SYT16: variants seen among roughly 807,000 people sequenced by gnomAD.
SYT16 encodes the protein synaptotagmin 16.
A neutral mutation model predicts 61.4 loss-of-function variants in SYT16; 42 were observed. That is an observed-to-expected ratio of 0.68 (90% CI 0.53 to 0.89). The LOEUF (loss-of-function observed/expected upper bound fraction) is 0.89. Among genes scored for constraint, SYT16 ranks in the 40% least tolerant of loss-of-function variants. SYT16 has a pLI of 0.00. For missense variants in SYT16, 804 were observed against 807.3 expected, an observed-to-expected ratio of 1.00 and a Z score of 0.05; for synonymous variants, 314 against 302.3, an observed-to-expected ratio of 1.04 and a Z score of -0.40.
At chr14:61,910,162 A>G (rs1463535742) in intron 1 of SYT16, among the ~76,000 whole-genome samples, 1 of 152,118 alleles carries the variant, frequency 6.6e-6, no homozygotes, top group Non-Finnish European at 1.5e-5. Flanking sequence ...TATGCCCTCC[A>G]ACTCTGTTAT....
chr14:61,817,011 ACACACACAC>A (rs2045458053), intron 1 of SYT16, among the ~76,000 whole-genome samples: 12 of 134,532 alleles, frequency 8.9e-5, no homozygotes, highest in African/African-American at 2.5e-4. Context: ...GCTCCGTCAC[ACACACACAC>A]ACACACACAA....
intron 6 of SYT16, among the ~76,000 whole-genome samples, chr14:62,081,993 C>T (rs1266369162): frequency 6.6e-6 from 1 of 152,186 alleles, no homozygotes; most frequent in Non-Finnish European, 1.5e-5. Context: ...TGCCTCTGCC[C>T]TTGGAGAGCT....
intron 1 of SYT16, among the ~76,000 whole-genome samples, chr14:61,839,552 T>C (rs1489552170): frequency 2.0e-5 from 3 of 151,962 alleles, no homozygotes; most frequent in African/African-American, 7.3e-5. Context: ...ATCTGCTTGG[T>C]GGGAAAAGAG....
At chr14:61,902,422 A>G (rs2048557257) in intron 1 of SYT16, among the ~76,000 whole-genome samples, 1 of 152,230 alleles carries the variant, frequency 6.6e-6, no homozygotes, top group South Asian at 2.1e-4. Flanking sequence ...TTACAGGTAC[A>G]GTTAAGTGAT....
At chr14:61,907,703 G>A (rs907924912) in intron 1 of SYT16, among the ~76,000 whole-genome samples, 1 of 152,186 alleles carries the variant, frequency 6.6e-6, no homozygotes, top group Non-Finnish European at 1.5e-5. Flanking sequence ...GGCCTACCTC[G>A]GCAATGACAT....
chr14:62,050,109 CA>C (rs2055202113), intron 3 of SYT16, among the ~76,000 whole-genome samples: 1 of 152,210 alleles, frequency 6.6e-6, no homozygotes, highest in South Asian at 2.1e-4. Flanking sequence ...TCAGGTACAC[CA>C]GTCAGACATA....
At chr14:61,872,707 T>C (rs1404574667) in intron 1 of SYT16, among the ~76,000 whole-genome samples, 1 of 152,196 alleles carries the variant, frequency 6.6e-6, no homozygotes, top group Non-Finnish European at 1.5e-5. Context: ...GCACATCCCA[T>C]ATAGAATTCT....
intron 2 of SYT16, among the ~76,000 whole-genome samples, chr14:61,995,380 G>C (rs1486651668): frequency 6.6e-6 from 1 of 152,040 alleles, no homozygotes; most frequent in Non-Finnish European, 1.5e-5. Flanking sequence ...TCTAGAGATT[G>C]CATAAAAATA....
chr14:61,905,908 C>T lies in SYT16; in HGVS notation c.-324-64224C>T, dbSNP rs538592546. Among the ~76,000 whole-genome samples the T allele has an allele frequency of 2.0e-5, 3 of 152,164 alleles. 1 individual carries two copies. In the South Asian group the frequency reaches 6.2e-4, roughly 31 times the overall value. ...AAGTGGCTGGGACTATAGGCATGTGCCACCACGCCCAGCTATTTTTGTATT... is the reference window on the plus strand; with the variant it reads ...AAGTGGCTGGGACTATAGGCATGTGTCACCACGCCCAGCTATTTTTGTATT... On this transcript the variant is annotated intron_variant, in intron 1 of 7. Coordinates refer to ENST00000683842, the MANE Select transcript of SYT16 (RefSeq NM_001367656.1).
At chr14:62,047,138 C>G (rs556652438) in intron 3 of SYT16, among the ~76,000 whole-genome samples, 1 of 152,154 alleles carries the variant, frequency 6.6e-6, no homozygotes, top group Admixed American at 6.5e-5. Flanking sequence ...ATTGTATCCT[C>G]TTTTATTTCA....
At chr14:62,078,071 A>G (rs754037298) in intron 5 of SYT16, among the ~76,000 whole-genome samples, 1 of 146,034 alleles carries the variant, frequency 6.8e-6, no homozygotes, top group Non-Finnish European at 1.5e-5. Context: ...TCCAACCCCC[A>G]CCTTCCGTCT....
intron 2 of SYT16, among the ~76,000 whole-genome samples, chr14:61,981,555 T>G (rs945789296): frequency 6.6e-6 from 1 of 152,236 alleles, no homozygotes; most frequent in East Asian, 1.9e-4. Flanking sequence ...CATTTCCAAA[T>G]GATACTCTCT....
intron 1 of SYT16, among the ~76,000 whole-genome samples, chr14:61,926,370 G>A (rs968014601): frequency 1.3e-5 from 2 of 152,134 alleles, no homozygotes; most frequent in African/African-American, 4.8e-5. Context: ...CTGGATTCTT[G>A]CATCTTCTCT....
chr14:62,085,638 G>A (rs575420350), intron 7 of SYT16, among the ~76,000 whole-genome samples: 1 of 152,214 alleles, frequency 6.6e-6, no homozygotes, highest in Non-Finnish European at 1.5e-5. Flanking sequence ...AGCCCACAAA[G>A]GATCTGTGGA....
intron 2 of SYT16, among the ~76,000 whole-genome samples, chr14:61,984,042 C>T (rs773379684): frequency 6.6e-6 from 1 of 152,094 alleles, no homozygotes; most frequent in African/African-American, 2.4e-5. Context: ...GAAGCAAAAT[C>T]CAAATCATAG....
chr14:61,886,121 C>T (rs988639646), intron 1 of SYT16, among the ~76,000 whole-genome samples: 13 of 151,994 alleles, frequency 8.6e-5, no homozygotes, highest in East Asian at 1.9e-4. Flanking sequence ...CCCACCACCA[C>T]GCCCAGCTAA....
At chr14:62,095,016 T>A (rs1422104994) in intron 7 of SYT16, among the ~76,000 whole-genome samples, 1 of 152,066 alleles carries the variant, frequency 6.6e-6, no homozygotes, top group Non-Finnish European at 1.5e-5. Flanking sequence ...TCTCTTGCCA[T>A]AGCTTTCTTT....
intron 7 of SYT16, among the ~76,000 whole-genome samples, chr14:62,087,190 C>T (rs1052827152): frequency 2.6e-5 from 4 of 152,058 alleles, no homozygotes; most frequent in Non-Finnish European, 4.4e-5. Context: ...TGAGGGGACA[C>T]GAGTTTTATG....
At chr14:61,988,104 C>T (rs931138167) in intron 2 of SYT16, among the ~76,000 whole-genome samples, 3 of 152,156 alleles carry the variant, frequency 2.0e-5, no homozygotes, top group African/African-American at 4.8e-5. Context: ...AGAATCTCCT[C>T]TACTGGGGGC....
Sources: gnomAD v4.1 joint callset for allele counts (sites outside exome capture counted in the v4.1 genomes callset) on GRCh38, gnomAD v4.1.1 for gene constraint, MANE v1.5 for transcripts, NCBI Gene and HGNC (gene_info 2026-07-23, HGNC 2026-07-21) for gene names.